SPMAP2L: variants seen among roughly 807,000 people sequenced by gnomAD.
The protein encoded by SPMAP2L is sperm microtubule associated protein 2 like, also known as sperm microtubule associated protein 2-like.
chr4:56,595,419 T>C, the SPMAP2L span: 26 of 1,606,952 alleles, frequency 1.6e-5, no homozygotes, highest in South Asian at 2.4e-4. Context: ...GATTCTGTGA[T>C]GCCATGATCA....
At chr4:56,575,571 T>C in the SPMAP2L span, 1 of 1,535,460 alleles carries the variant, frequency 6.5e-7, no homozygotes, top group Non-Finnish European at 8.7e-7. Context: ...CTGCATTGTT[T>C]AGACAACCCT....
chr4:56,530,874 G>A, the SPMAP2L span: 1 of 1,534,920 alleles, frequency 6.5e-7, no homozygotes, highest in Non-Finnish European at 8.7e-7. Flanking sequence ...AGGTCAGGGA[G>A]CAAGACCAGA....
the SPMAP2L span, chr4:56,593,517 C>A: frequency 6.3e-7 from 1 of 1,599,008 alleles, no homozygotes; most frequent in Middle Eastern, 1.7e-4. Context: ...AGAGTGGGAG[C>A]CTGGCCTGCT....
the SPMAP2L span, chr4:56,592,960 G>A: frequency 6.2e-7 from 1 of 1,604,376 alleles, no homozygotes; most frequent in Non-Finnish European, 8.5e-7. Flanking sequence ...ACATCCATTT[G>A]AAAAGACCCT....
the SPMAP2L span, chr4:56,593,954 G>A: frequency 5.9e-5 from 95 of 1,608,620 alleles, 1 homozygote; most frequent in African/African-American, 6.5e-4. Context: ...CCAGCATGAC[G>A]TGTTCTTTGA....
the SPMAP2L span, chr4:56,593,000 G>C: frequency 6.2e-7 from 1 of 1,602,124 alleles, no homozygotes; most frequent in Non-Finnish European, 8.6e-7. Flanking sequence ...TTGTGAAAAT[G>C]AAATCCTTGC....
the SPMAP2L span, among the ~76,000 whole-genome samples, chr4:56,582,387 A>C: frequency 6.6e-6 from 1 of 152,170 alleles, no homozygotes; most frequent in African/African-American, 2.4e-5. Flanking sequence ...TTAAATCGGC[A>C]AAGGATTTAA....
the SPMAP2L span, among the ~76,000 whole-genome samples, chr4:56,543,375 G>A: frequency 8.7e-5 from 13 of 149,940 alleles, no homozygotes; most frequent in African/African-American, 2.2e-4. Context: ...GAGCCACCGC[G>A]CCCAGCCATG....
At chr4:56,606,085 C>A in the SPMAP2L span, among the ~76,000 whole-genome samples, 1 of 152,142 alleles carries the variant, frequency 6.6e-6, no homozygotes, top group African/African-American at 2.4e-5. Context: ...GAGCATTAGC[C>A]GTCTCTTTGG....
At chr4:56,531,033 C>T in the SPMAP2L span, 1 of 1,535,556 alleles carries the variant, frequency 6.5e-7, no homozygotes, top group Non-Finnish European at 8.7e-7. Context: ...GTGAACCCCG[C>T]CAGCTCCGCC....
the SPMAP2L span, among the ~76,000 whole-genome samples, chr4:56,535,577 G>A: frequency 6.6e-6 from 1 of 152,054 alleles, no homozygotes; most frequent in African/African-American, 2.4e-5. Flanking sequence ...TTGCTCACTC[G>A]GGGAGCTCAG....
the SPMAP2L span, among the ~76,000 whole-genome samples, chr4:56,607,741 A>G: frequency 6.6e-6 from 1 of 152,124 alleles, no homozygotes; most frequent in South Asian, 2.1e-4. Flanking sequence ...TAATCCCAGC[A>G]CTTTGAGGGA....
At chr4:56,622,359 C>G in the SPMAP2L span, among the ~76,000 whole-genome samples, 1 of 152,194 alleles carries the variant, frequency 6.6e-6, no homozygotes, top group Non-Finnish European at 1.5e-5. Flanking sequence ...AAAAATACCT[C>G]GCACCCATTG....
At chr4:56,590,756 A>ATT in the SPMAP2L span, among the ~76,000 whole-genome samples, 2 of 152,250 alleles carry the variant, frequency 1.3e-5, no homozygotes, top group African/African-American at 4.8e-5. Flanking sequence ...GTACATGATT[A>ATT]TTTTAAGTCT....
chr4:56,600,656 T>C, the SPMAP2L span, among the ~76,000 whole-genome samples: 1 of 152,276 alleles, frequency 6.6e-6, no homozygotes, highest in South Asian at 2.1e-4. Flanking sequence ...ACTTAGCTCA[T>C]GAAGCTGTTG....
the SPMAP2L span, chr4:56,530,991 G>C: frequency 0.091 from 139,134 of 1,534,930 alleles, 7,729 homozygotes; most frequent in East Asian, 0.25. Context: ...AACTCCATGG[G>C]CCCCATGCAG....
At chr4:56,532,723 T>G in the SPMAP2L span, among the ~76,000 whole-genome samples, 1 of 152,214 alleles carries the variant, frequency 6.6e-6, no homozygotes, top group Admixed American at 6.5e-5. Context: ...TGCTCTAGTT[T>G]ACTGCTTTTC....
the SPMAP2L span, among the ~76,000 whole-genome samples, chr4:56,591,781 A>G: frequency 6.6e-6 from 1 of 152,212 alleles, no homozygotes; most frequent in Non-Finnish European, 1.5e-5. Flanking sequence ...GATAGTGAAG[A>G]ATAACTTGGG....
At chr4:56,565,786 A>C in the SPMAP2L span, among the ~76,000 whole-genome samples, 1 of 152,206 alleles carries the variant, frequency 6.6e-6, no homozygotes, top group African/African-American at 2.4e-5. Flanking sequence ...AATCTGAAAC[A>C]CTTCTAGTCC....
Sources: allele counts gnomAD v4.1 joint callset (sites outside exome capture counted in the v4.1 genomes callset), GRCh38; gene constraint gnomAD v4.1.1; transcripts MANE v1.5; gene names NCBI Gene and HGNC (gene_info 2026-07-23, HGNC 2026-07-21).